Variants in NOVA1 observed in about 807,000 individuals in gnomAD.
NOVA1 encodes the protein NOVA alternative splicing regulator 1.
A neutral mutation model predicts 38.0 loss-of-function variants in NOVA1; 7 were observed. The ratio of observed to expected loss-of-function variants is 0.18; its 90% CI spans 0.10 to 0.35. The LOEUF is 0.35. Ranked by LOEUF, NOVA1 falls within the 10% of genes least tolerant of loss-of-function variation. The pLI is 1.00. For missense variants in NOVA1, 460 were observed against 616.0 expected (o/e 0.75, Z 2.68); for synonymous variants, 270 against 232.5 (o/e 1.16, Z -1.47).
At chr14:26,558,067 G>A (rs761110355) in intron 2 of NOVA1, among the ~76,000 whole-genome samples, 1 of 151,734 alleles carries the variant, frequency 6.6e-6, no homozygotes, top group Non-Finnish European at 1.5e-5. Context: ...ATCTGGAAAA[G>A]GCAAAACTAT....
At chr14:26,490,069 T>C (rs1336960635) in intron 2 of NOVA1, among the ~76,000 whole-genome samples, 1 of 152,176 alleles carries the variant, frequency 6.6e-6, no homozygotes, top group Non-Finnish European at 1.5e-5. Flanking sequence ...TTTGTCTCTA[T>C]GTCAAAATTC....
In NOVA1 at chr14:26,577,640, T is replaced by C. The variant is rs143216155; in HGVS notation, c.280+17770A>G. On this transcript the variant is annotated intron_variant, in intron 2 of 4. Transcript: ENST00000539517. ...TAAATATAATCAGAATTGTGACAGATTGGATCTGAAGTTCAACAGAAAGAG... is the reference window on the plus strand; with the variant it reads ...TAAATATAATCAGAATTGTGACAGACTGGATCTGAAGTTCAACAGAAAGAG... Among the ~76,000 whole-genome samples the C allele has an allele frequency of 1.4e-3, 211 of 152,198 alleles. 3 individuals are homozygous for C. In the East Asian group the frequency reaches 0.015, roughly 11 times the overall value.
chr14:26,451,164 A>C (rs1009733692), intron 4 of NOVA1, among the ~76,000 whole-genome samples: 5 of 152,096 alleles, frequency 3.3e-5, no homozygotes, highest in African/African-American at 1.2e-4. Flanking sequence ...GAAGATATTA[A>C]TTTCTACTAT....
At chr14:26,544,003 G>A (rs1890634274) in intron 2 of NOVA1, among the ~76,000 whole-genome samples, 1 of 151,926 alleles carries the variant, frequency 6.6e-6, no homozygotes, top group Non-Finnish European at 1.5e-5. Flanking sequence ...AGAATATAGG[G>A]CACTCAAGGA....
intron 2 of NOVA1, among the ~76,000 whole-genome samples, chr14:26,514,646 C>G (rs960234470): frequency 3.3e-5 from 5 of 151,784 alleles, no homozygotes; most frequent in Non-Finnish European, 7.4e-5. Flanking sequence ...AACACTGGAT[C>G]AAATTCAAAC....
chr14:26,517,156 C>T (rs1303359141), intron 2 of NOVA1, among the ~76,000 whole-genome samples: 3 of 152,072 alleles, frequency 2.0e-5, no homozygotes, highest in Non-Finnish European at 4.4e-5. Context: ...CCGCCTGCCT[C>T]GGCCTCCCAA....
chr14:26,564,363 C>T (rs1418308030), intron 2 of NOVA1, among the ~76,000 whole-genome samples: 1 of 151,996 alleles, frequency 6.6e-6, no homozygotes, highest in East Asian at 1.9e-4. Context: ...CACAACAATC[C>T]CATGAGGTGG....
chr14:26,597,201 G>GGGAGGGAGGGAGGGAA lies in NOVA1; in HGVS notation c.136+84_136+99dup, dbSNP rs1360373510. ...TTCGGGCTGGAGGTGTCCGGGCCGC[G>GGGAGGGAGGGAGGGAA]GGAGGGAGGGAGGGAAGGAGGGAGG... On this transcript the variant is annotated intron_variant, in intron 1 of 4. Transcript: ENST00000539517. The GGGAGGGAGGGAGGGAA allele has an allele frequency of 2.8e-6, 3 of 1,086,958 alleles. No homozygotes were observed. The African/African-American group carries it at 5.0e-5, about 18-fold the overall frequency. 67.3% of individuals were successfully genotyped at this position (1,086,958 alleles called of 1,614,324 possible).
At chr14:26,461,234 C>A (rs1883638366) in intron 4 of NOVA1, among the ~76,000 whole-genome samples, 1 of 152,034 alleles carries the variant, frequency 6.6e-6, no homozygotes, top group South Asian at 2.1e-4. Context: ...TGTTACAGAG[C>A]GACTATTTCA....
At chr14:26,587,678 C>T (rs907167395) in intron 2 of NOVA1, among the ~76,000 whole-genome samples, 1 of 151,280 alleles carries the variant, frequency 6.6e-6, no homozygotes, top group Non-Finnish European at 1.5e-5. Flanking sequence ...TTACCTCCAA[C>T]ACTAACCACT....
At chr14:26,545,168 A>G (rs1192491792) in intron 2 of NOVA1, among the ~76,000 whole-genome samples, 1 of 152,074 alleles carries the variant, frequency 6.6e-6, no homozygotes, top group Non-Finnish European at 1.5e-5. Flanking sequence ...CTGACTTTAC[A>G]TCTAGTAGAG....
chr14:26,477,625 A>G (rs1169271598), intron 3 of NOVA1, among the ~76,000 whole-genome samples: 2 of 152,114 alleles, frequency 1.3e-5, no homozygotes, highest in African/African-American at 4.8e-5. Flanking sequence ...ATGTATTTTA[A>G]TCTATTCTAT....
Position 26,597,766 on chromosome 14 carries a change from T to A in NOVA1, c.-330A>T, listed in dbSNP as rs1357970109. 2 of 873,472 alleles carry A rather than the reference T, an allele frequency of 2.3e-6. No individual in the cohort carries two copies. Among genetic ancestry groups the A allele is most frequent in the Non-Finnish European group, 2.7e-6 (2 of 730,260 alleles). 54.1% of individuals were successfully genotyped at this position (873,472 alleles called of 1,614,324 possible). On this transcript the variant is annotated 5_prime_UTR_variant, in exon 1 of 5. Coordinates refer to ENST00000539517, the MANE Select transcript of NOVA1 (RefSeq NM_002515.3). Reference sequence around the variant, plus strand: ...TGGAGAAGGGAGAGGGGCGAGTGAATGAGCGGGAGGAGGGGACCGGGGAGG... The same window carrying A: ...TGGAGAAGGGAGAGGGGCGAGTGAAAGAGCGGGAGGAGGGGACCGGGGAGG...
chr14:26,523,916 A>T (rs1007883787), intron 2 of NOVA1, among the ~76,000 whole-genome samples: 1 of 151,776 alleles, frequency 6.6e-6, no homozygotes, highest in African/African-American at 2.4e-5. Context: ...ATGCCCAGCT[A>T]ATTTTTTTGT....
At chr14:26,459,823 C>T (rs1883501241) in intron 4 of NOVA1, among the ~76,000 whole-genome samples, 1 of 151,898 alleles carries the variant, frequency 6.6e-6, no homozygotes, top group African/African-American at 2.4e-5. Flanking sequence ...TCCATTTAAA[C>T]TTATGTAACT....
chr14:26,597,637 T>A lies in NOVA1; in HGVS notation c.-201A>T. The stretch of plus-strand genomic sequence containing the variant: ...GTTCTCACTGGGGAGGGGGCAGGGC[T>A]GAGGAGCAGCTGCAGTGCAGTGTCA... On this transcript the variant is annotated 5_prime_UTR_variant, in exon 1 of 5. Coordinates refer to ENST00000539517, the MANE Select transcript of NOVA1 (RefSeq NM_002515.3). The A allele has an allele frequency of 2.5e-6, 3 of 1,207,544 alleles. No homozygotes were observed. The East Asian group carries it at 1.0e-4, about 41-fold the overall frequency. The allele number at this position is 1,207,544 out of a possible 1,614,324, so 74.8% of individuals were successfully genotyped here. A position where few individuals can be genotyped will look rare whatever the true frequency, so the allele number is the denominator to read the frequency against.
chr14:26,574,276 C>CA (rs1892686907), intron 2 of NOVA1, among the ~76,000 whole-genome samples: 1 of 99,428 alleles, frequency 1.0e-5, no homozygotes, highest in Non-Finnish European at 2.1e-5. Context: ...CACCCCCCCC[C>CA]CCCCGCCCCC....
chr14:26,594,117 G>A (rs1894032135), intron 2 of NOVA1: 1 of 151,920 alleles, frequency 6.6e-6, no homozygotes, highest in Admixed American at 6.6e-5. Context: ...GAAAGTTTCA[G>A]AGACAAGGAA....
chr14:26,575,265 C>G (rs1233117230), intron 2 of NOVA1, among the ~76,000 whole-genome samples: 2 of 151,998 alleles, frequency 1.3e-5, no homozygotes, highest in Non-Finnish European at 2.9e-5. Flanking sequence ...AAATTTTTTA[C>G]TTCATAATAC....
Sources: allele counts gnomAD v4.1 joint callset (sites outside exome capture counted in the v4.1 genomes callset), GRCh38; gene constraint gnomAD v4.1.1; transcripts MANE v1.5; gene names NCBI Gene and HGNC (gene_info 2026-07-23, HGNC 2026-07-21).